ABCA13: variants seen among roughly 807,000 people sequenced by gnomAD.
The protein encoded by ABCA13 is ATP-binding cassette sub-family A member 13.
In ABCA13, 476 loss-of-function variants were observed where a neutral mutation model predicts 478.7. That is an observed-to-expected ratio of 0.99 (90% CI 0.92 to 1.07). The LOEUF (loss-of-function observed/expected upper bound fraction) is 1.07. Among genes scored for constraint, ABCA13 ranks in the 50% least tolerant of loss-of-function variants. ABCA13 has a pLI of 0.00. For missense variants in ABCA13, 6,060 were observed against 5,910.6 expected (o/e 1.03, Z -0.83); for synonymous variants, 2,252 against 2,158.9 (o/e 1.04, Z -1.20).
intron 54 of ABCA13, among the ~76,000 whole-genome samples, chr7:48,527,966 C>A (rs1372486072): frequency 6.6e-6 from 1 of 152,086 alleles, no homozygotes; most frequent in Non-Finnish European, 1.5e-5. Flanking sequence ...CTTGAGTTTT[C>A]CACACATGAA....
In ABCA13 at chr7:48,596,793, G is replaced by A. The variant is rs528662223; in HGVS notation, c.14744+1980G>A. 1.7e-4 allele frequency among the ~76,000 whole-genome samples: 25 copies of A among 151,366 alleles called. No homozygotes were observed. The South Asian group carries it at 4.4e-3, about 27-fold the overall frequency. On this transcript the variant is annotated intron_variant, in intron 58 of 61. Transcript: ENST00000435803. ...AGCCTGGGCGTCAGAGCAAGACTCC[G>A]TCTCAAAAACAACAACCACAACAAA... is the stretch of plus-strand genomic sequence containing the variant.
At chr7:48,282,452 G>A (rs1389189036) in intron 19 of ABCA13, among the ~76,000 whole-genome samples, 1 of 152,162 alleles carries the variant, frequency 6.6e-6, no homozygotes, top group Non-Finnish European at 1.5e-5. Flanking sequence ...ATGGCAGTGG[G>A]TTTTGACAAC....
At chr7:48,190,093 G>A (rs969847167) in intron 1 of ABCA13, among the ~76,000 whole-genome samples, 1 of 152,066 alleles carries the variant, frequency 6.6e-6, no homozygotes, top group African/African-American at 2.4e-5. Context: ...TTAATCCTAG[G>A]TGCTATTGAG....
intron 27 of ABCA13, among the ~76,000 whole-genome samples, chr7:48,326,950 T>C (rs567747170): frequency 1.3e-3 from 198 of 152,318 alleles, no homozygotes; most frequent in African/African-American, 4.5e-3. Flanking sequence ...TGATTGGATC[T>C]GGAGCAACAG....
At chr7:48,313,487 T>C (rs879532244) in intron 25 of ABCA13, among the ~76,000 whole-genome samples, 1 of 152,232 alleles carries the variant, frequency 6.6e-6, no homozygotes, top group Non-Finnish European at 1.5e-5. Context: ...ACATGCATTA[T>C]CTATAAAGTA....
At chr7:48,599,356 A>G (rs1790635747) in intron 58 of ABCA13, among the ~76,000 whole-genome samples, 1 of 151,190 alleles carries the variant, frequency 6.6e-6, no homozygotes, top group Non-Finnish European at 1.5e-5. Context: ...TTAATGGCCT[A>G]CCAGAGGGGT....
At chr7:48,258,468 T>A (rs1216497379) in intron 15 of ABCA13, among the ~76,000 whole-genome samples, 2 of 152,208 alleles carry the variant, frequency 1.3e-5, no homozygotes, top group African/African-American at 4.8e-5. Context: ...ATTGAGACCT[T>A]GTCCCTTTTT....
chr7:48,528,402 C>A, intron 55 of ABCA13, 57 bp downstream of exon 55: 1 of 1,220,006 alleles, frequency 8.2e-7, no homozygotes, highest in Non-Finnish European at 1.1e-6. Flanking sequence ...CCCAGAGAAC[C>A]CCCAGCATTT....
At chr7:48,480,316 A>G (rs1467359866) in intron 45 of ABCA13, among the ~76,000 whole-genome samples, 1 of 152,170 alleles carries the variant, frequency 6.6e-6, no homozygotes, top group African/African-American at 2.4e-5. Flanking sequence ...CCCTGGCAAC[A>G]CTCATTGTTT....
chr7:48,239,366 T>A lies in ABCA13; in HGVS notation c.1023T>A (p.Tyr341Ter), dbSNP rs754541374. 1 of 1,613,874 alleles carries A rather than the reference T, an allele frequency of 6.2e-7. No homozygotes were observed. Among genetic ancestry groups the A allele is most frequent in the Non-Finnish European group, 8.5e-7 (1 of 1,179,810 alleles). Residue 341 changes from tyrosine (Y) to a stop codon, truncating the protein, a stop_gained, in exon 9 of 62, where the codon TAT becomes TAA. Transcript: ENST00000435803. LOFTEE classifies it high-confidence loss of function. The part of the protein sequence containing the change: ...CHPKWSEAKN[Y>*]LVHAVSWLRV... ...CTAAGTGGTCAGAAGCCAAAAACTA[T>A]CTTGTCCATGCAGTCAGCTGGCTGC...
Position 48,313,157 on chromosome 7 carries a change from G to A in ABCA13, c.9607G>A (p.Val3203Ile), listed in dbSNP as rs563077060. 19 of 1,613,028 alleles carry A rather than the reference G, an allele frequency of 1.2e-5. No homozygotes were observed. The highest frequency in any genetic ancestry group is 1.1e-4 in the South Asian group (10 of 90,796). ...LSALLAKAQH[V>I]FEYLPEFLHT... ...CGCCTTGCTTGCCAAAGCCCAGCAC[G>A]TCTTTGAGTATCTTCCTGAGTTTCT... Residue 3203 changes from valine to isoleucine, a missense_variant, in exon 25 of 62, where the codon GTC (valine) becomes ATC (isoleucine). Physicochemically the swap from Val to Ile is conservative, Grantham distance 29 (BLOSUM62 3). This residue lies in a region of ABCA13 where 4,423 missense variants were observed against 4,309.1 expected (regional missense o/e 1.03). Transcript: ENST00000435803.
intron 45 of ABCA13, among the ~76,000 whole-genome samples, chr7:48,474,086 G>A (rs1284669514): frequency 6.6e-6 from 1 of 151,724 alleles, no homozygotes; most frequent in African/African-American, 2.4e-5. Flanking sequence ...CCCTGGTCTT[G>A]TTTTTCCATT....
intron 47 of ABCA13, among the ~76,000 whole-genome samples, chr7:48,487,189 A>G (rs1829388770): frequency 1.3e-5 from 2 of 152,150 alleles, no homozygotes; most frequent in Admixed American, 1.3e-4. Context: ...ACATGCCTGT[A>G]ATGCCAGCTA....
intron 29 of ABCA13, among the ~76,000 whole-genome samples, chr7:48,343,293 T>C (rs1423506639): frequency 1.3e-5 from 2 of 152,150 alleles, no homozygotes; most frequent in African/African-American, 2.4e-5. Flanking sequence ...CCTAATCCAT[T>C]TGGGGATGGA....
chr7:48,341,911 A>G (rs1481857141), intron 29 of ABCA13, among the ~76,000 whole-genome samples: 2 of 139,532 alleles, frequency 1.4e-5, no homozygotes, highest in East Asian at 4.2e-4. Flanking sequence ...TGATATATAT[A>G]TACTCATATA....
At chr7:48,484,953 C>T (rs747870272) in intron 47 of ABCA13, among the ~76,000 whole-genome samples, 3 of 152,170 alleles carry the variant, frequency 2.0e-5, no homozygotes, top group Non-Finnish European at 2.9e-5. Flanking sequence ...CTACATTCAT[C>T]GACATAGATG....
At chr7:48,216,186 G>T (rs1282081809) in intron 3 of ABCA13, among the ~76,000 whole-genome samples, 1 of 152,098 alleles carries the variant, frequency 6.6e-6, no homozygotes, top group African/African-American at 2.4e-5. Context: ...TTTCAACGTG[G>T]CTCTACCATT....
At chr7:48,515,999 C>T (rs1038628637) in intron 51 of ABCA13, among the ~76,000 whole-genome samples, 2 of 152,066 alleles carry the variant, frequency 1.3e-5, no homozygotes, top group Admixed American at 6.6e-5. Flanking sequence ...GTTGTGACCC[C>T]ATCCGGTGTT....
At chr7:48,621,496 A>G (rs922209563) in intron 59 of ABCA13, among the ~76,000 whole-genome samples, 1 of 152,180 alleles carries the variant, frequency 6.6e-6, no homozygotes, top group African/African-American at 2.4e-5. Context: ...GGGTACCACA[A>G]TAAAGAGGAT....
Sources: gnomAD v4.1 joint callset for allele counts (sites outside exome capture counted in the v4.1 genomes callset) on GRCh38, gnomAD v4.1.1 for gene constraint, gnomAD v4.1.1 regional missense constraint, MANE v1.5 for transcripts, NCBI Gene and HGNC (gene_info 2026-07-23, HGNC 2026-07-21) for gene names.